Variants in ENTPD1 observed in about 807,000 individuals in gnomAD.
ENTPD1 encodes ATP diphosphohydrolase.
In ENTPD1, 33 loss-of-function variants were observed where a neutral mutation model predicts 57.0. The ratio of observed to expected loss-of-function variants is 0.58; its 90% CI spans 0.44 to 0.77. The LOEUF is 0.77. Ranked by LOEUF, ENTPD1 falls within the 30% of genes least tolerant of loss-of-function variation. The pLI is 0.00. For missense variants in ENTPD1, 501 were observed against 603.4 expected, an observed-to-expected ratio of 0.83 and a Z score of 1.78; for synonymous variants, 202 against 218.8, an observed-to-expected ratio of 0.92 and a Z score of 0.68.
At chr10:95,771,949 C>T (rs919200736) in intron 1 of ENTPD1, among the ~76,000 whole-genome samples, 9 of 152,120 alleles carry the variant, frequency 5.9e-5, no homozygotes, top group Admixed American at 3.3e-4. Context: ...TGTTCCAGAC[C>T]GCTACAAAGG....
intron 1 of ENTPD1, among the ~76,000 whole-genome samples, chr10:95,726,512 C>G (rs1486530635): frequency 2.6e-5 from 4 of 152,108 alleles, no homozygotes; most frequent in African/African-American, 9.7e-5. Context: ...TCTTAATTTT[C>G]CTTTCATTCC....
chr10:95,742,604 T>G (rs1428134174), intron 1 of ENTPD1, among the ~76,000 whole-genome samples: 2 of 151,626 alleles, frequency 1.3e-5, no homozygotes, highest in East Asian at 3.9e-4. Context: ...TGAATACTAC[T>G]ATGTTTTCAC....
chr10:95,724,161 CAAAAAAAAAAAAAAAAA>C (rs35316347), intron 1 of ENTPD1, among the ~76,000 whole-genome samples: 1 of 50,348 alleles, frequency 2.0e-5, no homozygotes. Context: ...GACTCTGTCT[CAAAAAAAAAAAAAAAAA>C]AAAAAAAAGC....
chr10:95,840,044 C>T (rs1446275975), intron 3 of ENTPD1, among the ~76,000 whole-genome samples: 1 of 152,194 alleles, frequency 6.6e-6, no homozygotes, highest in East Asian at 1.9e-4. Flanking sequence ...CTCCCATCAA[C>T]AGAACACTTC....
At chr10:95,837,437 A>G (rs1372621277) in intron 2 of ENTPD1, among the ~76,000 whole-genome samples, 2 of 152,180 alleles carry the variant, frequency 1.3e-5, no homozygotes, top group African/African-American at 2.4e-5. Context: ...TCTGCCCACA[A>G]TGGCCACCAC....
In ENTPD1 at chr10:95,873,016, T is replaced by A. The variant is rs2098482183; in HGVS notation, c.*6633T>A. On this transcript the variant is annotated 3_prime_UTR_variant, in exon 10 of 10. Transcript: ENST00000371205. ...AGATCATGCATCTCAAAATTTAATG[T>A]ACATACAAATTACCCAGGGATTTTG... 3.1e-6 allele frequency: 3 copies of A among 977,996 alleles called. No homozygotes were observed. The highest frequency in any genetic ancestry group is 3.6e-6 in the Non-Finnish European group (3 of 823,238). 60.6% of individuals were successfully genotyped at this position (977,996 alleles called of 1,614,324 possible).
chr10:95,800,778 TTA>T (rs1042875084), intron 1 of ENTPD1, among the ~76,000 whole-genome samples: 7 of 152,184 alleles, frequency 4.6e-5, no homozygotes, highest in African/African-American at 1.4e-4. Flanking sequence ...GACCTTATGG[TTA>T]TCTTTCCTCG....
Position 95,874,431 on chromosome 10 carries a change from G to A in ENTPD1, c.*8048G>A, listed in dbSNP as rs1445124304. On this transcript the variant is annotated 3_prime_UTR_variant, in exon 10 of 10. Coordinates refer to ENST00000371205, the MANE Select transcript of ENTPD1 (RefSeq NM_001776.6). The stretch of plus-strand genomic sequence containing the variant: ...GCTGATGCAAGAGATAGGTTCCCAT[G>A]GTCTTGTGCAGCTCCGCCCCTGTGG... Among the ~76,000 whole-genome samples the A allele has an allele frequency of 6.6e-6, 1 of 152,230 alleles. No individual in the cohort carries two copies. Among genetic ancestry groups the A allele is most frequent in the Admixed American group, 6.5e-5 (1 of 15,288 alleles).
Position 95,867,002 on chromosome 10 carries a change from T to C in ENTPD1, c.*619T>C, listed in dbSNP as rs2098475254. 1 of 993,492 alleles carries C rather than the reference T, an allele frequency of 1.0e-6. No homozygotes were observed. Among genetic ancestry groups the C allele is most frequent in the South Asian group, 4.5e-5 (1 of 22,258 alleles). The allele number at this position is 993,492 out of a possible 1,614,324, so 61.5% of individuals were successfully genotyped here. On this transcript the variant is annotated 3_prime_UTR_variant, in exon 10 of 10. Transcript: ENST00000371205. ...TTCTCAATCCCACCCAAAGCAGGTA[T>C]GTCAATAAATCACATATTCCTAGGT...
At chr10:95,722,235 G>GTT (rs71034349) in intron 1 of ENTPD1, among the ~76,000 whole-genome samples, 57 of 146,600 alleles carry the variant, frequency 3.9e-4, no homozygotes, top group Middle Eastern at 3.5e-3. Flanking sequence ...ACCCATTGTG[G>GTT]TTTTTTTTTT....
intron 9 of ENTPD1, 56 bp from the exon 10 acceptor site, chr10:95,866,121 G>A: frequency 1.3e-6 from 2 of 1,567,658 alleles, no homozygotes; most frequent in South Asian, 2.3e-5. Context: ...CTAAGCCCTA[G>A]GTGATAACTC....
chr10:95,734,358 A>G (rs1416231835), intron 1 of ENTPD1, among the ~76,000 whole-genome samples: 2 of 152,214 alleles, frequency 1.3e-5, no homozygotes, highest in Non-Finnish European at 2.9e-5. Flanking sequence ...AATTTTTTGG[A>G]CACCTATATG....
intron 7 of ENTPD1, among the ~76,000 whole-genome samples, 185 bp from the exon 8 acceptor site, chr10:95,860,284 G>T (rs1383783357): frequency 1.3e-5 from 2 of 152,164 alleles, no homozygotes; most frequent in African/African-American, 4.8e-5. Context: ...TTAGAAATGT[G>T]TGTCAGCAGC....
chr10:95,841,940 T>G (rs914652357), intron 3 of ENTPD1, among the ~76,000 whole-genome samples: 4 of 152,244 alleles, frequency 2.6e-5, no homozygotes, highest in African/African-American at 9.6e-5. Flanking sequence ...AAAGCCAATT[T>G]GTCTGACGCT....
intron 1 of ENTPD1, among the ~76,000 whole-genome samples, chr10:95,810,059 G>T (rs1384511449): frequency 7.1e-6 from 1 of 140,564 alleles, no homozygotes; most frequent in Admixed American, 7.1e-5. Flanking sequence ...TCACTTCCCA[G>T]ACAGGGTCGC....
upstream of ENTPD1, chr10:95,755,815 T>C (rs769429946): frequency 9.3e-6 from 14 of 1,508,922 alleles, no homozygotes; most frequent in African/African-American, 1.4e-5. Context: ...AAGGAATAGC[T>C]TTTTTTGCTT....
chr10:95,855,115 G>A (rs1365429887), intron 7 of ENTPD1, among the ~76,000 whole-genome samples: 1 of 152,080 alleles, frequency 6.6e-6, no homozygotes, highest in Non-Finnish European at 1.5e-5. Context: ...ATGAATTTGG[G>A]TGCTCCTGTA....
intron 1 of ENTPD1, among the ~76,000 whole-genome samples, chr10:95,777,522 A>C (rs1365675010): frequency 6.6e-6 from 1 of 152,174 alleles, no homozygotes; most frequent in African/African-American, 2.4e-5. Flanking sequence ...CTTCCTCTGG[A>C]AGCTTCGTCC....
chr10:95,753,003 T>C (rs2098014552), upstream of ENTPD1, among the ~76,000 whole-genome samples: 1 of 152,154 alleles, frequency 6.6e-6, no homozygotes, highest in South Asian at 2.1e-4. Flanking sequence ...CATAGGGGGA[T>C]GAACCGGTAC....
Sources: gnomAD v4.1 joint callset for allele counts (sites outside exome capture counted in the v4.1 genomes callset) on GRCh38, gnomAD v4.1.1 for gene constraint, MANE v1.5 for transcripts, NCBI Gene and HGNC (gene_info 2026-07-23, HGNC 2026-07-21) for gene names.